EYA1: variants seen among roughly 807,000 people sequenced by gnomAD.
EYA1 encodes the protein protein phosphatase EYA1.
Under a neutral mutation model 82.0 loss-of-function variants are expected in EYA1, and 16 were observed. That is an observed-to-expected ratio of 0.20 (90% CI 0.13 to 0.30). The LOEUF is 0.30. Ranked by LOEUF, EYA1 falls within the 10% of genes least tolerant of loss-of-function variation. The probability of loss-of-function intolerance (pLI) is 1.00; values close to 1 mark genes in which losing one functional copy is unlikely to be tolerated. For missense variants in EYA1, 633 were observed against 730.7 expected, an observed-to-expected ratio of 0.87 and a Z score of 1.54; for synonymous variants, 261 against 264.4, an observed-to-expected ratio of 0.99 and a Z score of 0.12.
intron 11 of EYA1, among the ~76,000 whole-genome samples, chr8:71,268,823 A>G (rs754804769): frequency 6.6e-6 from 1 of 152,192 alleles, no homozygotes; most frequent in Non-Finnish European, 1.5e-5. Flanking sequence ...AAGAACAACC[A>G]CCCGGTCAAA....
intron 1 of EYA1, among the ~76,000 whole-genome samples, chr8:71,357,902 G>A (rs1393708865): frequency 1.3e-5 from 2 of 151,702 alleles, no homozygotes; most frequent in East Asian, 3.9e-4. Flanking sequence ...AAAAATTAAT[G>A]TTCTCACACA....
chr8:71,197,450 T>C lies in EYA1; in HGVS notation c.*1890A>G, dbSNP rs377092983. The stretch of plus-strand genomic sequence containing the variant: ...CAGGGAGCTTACAGTACATCACAAA[T>C]AAATTTTATTAACTTAAACACAAAA... On this transcript the variant is annotated 3_prime_UTR_variant, in exon 18 of 18. Transcript: ENST00000340726. 5.9e-5 allele frequency: 9 copies of C among 152,510 alleles called. No homozygotes were observed. The East Asian group carries it at 1.4e-3, about 23-fold the overall frequency. The allele number at this position is 152,510 out of a possible 1,614,324, so 9.4% of individuals were successfully genotyped here.
chr8:71,463,042 T>C (rs963006693), intron 2 of EYA1, among the ~76,000 whole-genome samples: 1 of 152,232 alleles, frequency 6.6e-6, no homozygotes, highest in Non-Finnish European at 1.5e-5. Flanking sequence ...CCCCAAATAC[T>C]ACCATTTCAA....
upstream of EYA1, among the ~76,000 whole-genome samples, chr8:71,363,286 A>G (rs1827544925): frequency 6.6e-6 from 1 of 152,326 alleles, no homozygotes; most frequent in African/African-American, 2.4e-5. Flanking sequence ...ATAACTTTAT[A>G]TTGCTAATAT....
chr8:71,248,883 G>C (rs1171704211), intron 11 of EYA1, among the ~76,000 whole-genome samples: 1 of 152,008 alleles, frequency 6.6e-6, no homozygotes, highest in Non-Finnish European at 1.5e-5. Context: ...TTAAGAACAA[G>C]GAAAAAAACA....
At chr8:71,275,858 T>C (rs1158642613) in intron 9 of EYA1, among the ~76,000 whole-genome samples, 3 of 152,222 alleles carry the variant, frequency 2.0e-5, no homozygotes, top group African/African-American at 7.2e-5. Flanking sequence ...GTCTTCAATA[T>C]TATTTGACCC....
intron 7 of EYA1, among the ~76,000 whole-genome samples, chr8:71,312,752 G>A (rs1466443188): frequency 6.6e-6 from 1 of 152,164 alleles, no homozygotes; most frequent in Non-Finnish European, 1.5e-5. Flanking sequence ...CAAAGTTACT[G>A]TTCAGAGTTA....
intron 12 of EYA1, among the ~76,000 whole-genome samples, chr8:71,227,014 G>C (rs1563652252): frequency 6.6e-6 from 1 of 151,904 alleles, no homozygotes; most frequent in Non-Finnish European, 1.5e-5. Context: ...AGTGTTTGCT[G>C]ACAATGCCAA....
chr8:71,432,349 C>T (rs1304330257), intron 2 of EYA1, among the ~76,000 whole-genome samples: 5 of 152,226 alleles, frequency 3.3e-5, no homozygotes, highest in Middle Eastern at 3.4e-3. Flanking sequence ...TAAAAAGAAA[C>T]GGTATATGAC....
intron 2 of EYA1, among the ~76,000 whole-genome samples, chr8:71,476,981 T>C (rs965756183): frequency 7.9e-5 from 12 of 152,044 alleles, no homozygotes; most frequent in African/African-American, 2.2e-4. Flanking sequence ...AGGGAAAGAA[T>C]AGTCTTTTCA....
chr8:71,379,979 T>G (rs1027253521), intron 2 of EYA1, among the ~76,000 whole-genome samples: 13 of 152,204 alleles, frequency 8.5e-5, no homozygotes, highest in African/African-American at 3.1e-4. Flanking sequence ...GATGGCTGTC[T>G]TGACACACAC....
chr8:71,354,758 A>C lies in EYA1; in HGVS notation c.124+24T>G, dbSNP rs772388351. The C allele has an allele frequency of 7.5e-6, 12 of 1,610,206 alleles. No homozygotes were observed. In the Admixed American group the frequency reaches 2.0e-4, roughly 27 times the overall value. ...TGATGAAGAAACAAGGTGCAAAGTAAATAGTGAGAAGGCAGACACTCACCT... is the reference window on the plus strand; with the variant it reads ...TGATGAAGAAACAAGGTGCAAAGTACATAGTGAGAAGGCAGACACTCACCT... On this transcript the variant is annotated intron_variant, in intron 3 of 17. Coordinates refer to ENST00000340726, the MANE Select transcript of EYA1 (RefSeq NM_000503.6).
At chr8:71,204,384 G>GTGTT in intron 17 of EYA1, among the ~76,000 whole-genome samples, 1 of 152,332 alleles carries the variant, frequency 6.6e-6, no homozygotes, top group East Asian at 1.9e-4. Context: ...TATTAAAAAT[G>GTGTT]TGTTAATTAC....
At chr8:71,382,570 C>G (rs11784899) in intron 2 of EYA1, among the ~76,000 whole-genome samples, 41,074 of 151,926 alleles carry the variant, frequency 0.27, 6,385 homozygotes, top group East Asian at 0.7. Context: ...TGCAATTTGT[C>G]TCCTTAAAAG....
In EYA1 at chr8:71,280,085, T is replaced by C. The variant is rs567851184; in HGVS notation, c.827-8188A>G. ...TGATTTTTTGATTTCATCTCTAACA[T>C]AATGGCCAGGTGCAGGCACCAAGTC... On this transcript the variant is annotated intron_variant, in intron 9 of 17. Coordinates refer to ENST00000340726, the MANE Select transcript of EYA1 (RefSeq NM_000503.6). Among the ~76,000 whole-genome samples the C allele has an allele frequency of 7.2e-5, 11 of 152,332 alleles. No individual in the cohort carries two copies. The South Asian group carries it at 2.3e-3, about 32-fold the overall frequency.
intron 2 of EYA1, among the ~76,000 whole-genome samples, chr8:71,447,080 C>CTTTA (rs1806944392): frequency 8.6e-6 from 1 of 115,896 alleles, no homozygotes; most frequent in Non-Finnish European, 1.7e-5. Context: ...TATTGATAAT[C>CTTTA]TTTATATATA....
At chr8:71,268,591 T>C (rs1278379604) in intron 11 of EYA1, among the ~76,000 whole-genome samples, 2 of 152,220 alleles carry the variant, frequency 1.3e-5, no homozygotes, top group Non-Finnish European at 2.9e-5. Context: ...TGTCTTCTTA[T>C]AGAGAATTTG....
intron 4 of EYA1, among the ~76,000 whole-genome samples, chr8:71,323,397 C>T (rs571941601): frequency 9.9e-5 from 15 of 152,232 alleles, no homozygotes; most frequent in Non-Finnish European, 2.1e-4. Flanking sequence ...GTTCCATGTA[C>T]TCAAAGTTTC....
At chr8:71,200,546 G>A (rs1280671916) in intron 17 of EYA1, among the ~76,000 whole-genome samples, 1 of 151,044 alleles carries the variant, frequency 6.6e-6, no homozygotes, top group Non-Finnish European at 1.5e-5. Flanking sequence ...AGACTATTTT[G>A]GTGTATCTGT....
Sources: allele counts gnomAD v4.1 joint callset (sites outside exome capture counted in the v4.1 genomes callset), GRCh38; gene constraint gnomAD v4.1.1; transcripts MANE v1.5; gene names NCBI Gene and HGNC (gene_info 2026-07-23, HGNC 2026-07-21).